TFCP2L1: variants seen among roughly 807,000 people sequenced by gnomAD.
The protein encoded by TFCP2L1 is transcription factor CP2 like 1, also known as transcription factor CP2-like protein 1.
A neutral mutation model predicts 72.2 loss-of-function variants in TFCP2L1; 12 were observed. That is an observed-to-expected ratio of 0.17 (90% CI 0.11 to 0.27). The LOEUF (loss-of-function observed/expected upper bound fraction) is 0.27. Among genes scored for constraint, TFCP2L1 ranks in the 10% least tolerant of loss-of-function variants. The probability of loss-of-function intolerance (pLI) is 1.00; values close to 1 mark genes in which losing one functional copy is unlikely to be tolerated. For missense variants in TFCP2L1, 488 were observed against 624.6 expected, an observed-to-expected ratio of 0.78 and a Z score of 2.33; for synonymous variants, 260 against 251.0, an observed-to-expected ratio of 1.04 and a Z score of -0.34.
chr2:121,278,458 G>A (rs1687191306), intron 2 of TFCP2L1, among the ~76,000 whole-genome samples: 2 of 151,296 alleles, frequency 1.3e-5, no homozygotes, highest in Admixed American at 6.6e-5. Flanking sequence ...GGCTGAGGCA[G>A]GTGGATCACC....
chr2:121,261,052 C>T (rs1349453413), intron 2 of TFCP2L1, among the ~76,000 whole-genome samples: 2 of 152,190 alleles, frequency 1.3e-5, no homozygotes, highest in East Asian at 1.9e-4. Context: ...CCAGCACACA[C>T]GGCTGACCTT....
chr2:121,224,669 T>A (rs1685987306), intron 14 of TFCP2L1, among the ~76,000 whole-genome samples: 1 of 152,198 alleles, frequency 6.6e-6, no homozygotes. Flanking sequence ...AGGGATATTA[T>A]GGCCCCCAAG....
At chr2:121,282,770 AG>A (rs1251047594) in intron 1 of TFCP2L1, among the ~76,000 whole-genome samples, 9 of 152,334 alleles carry the variant, frequency 5.9e-5, no homozygotes, top group Non-Finnish European at 8.8e-5. Context: ...CTGTATAAAC[AG>A]AGTCACTGGT....
In TFCP2L1 at chr2:121,254,242, A is replaced by C. The variant is rs138717375; in HGVS notation, c.215-4595T>G. 3.7e-3 allele frequency among the ~76,000 whole-genome samples: 566 copies of C among 152,330 alleles called. 3 individuals are homozygous for C. The highest frequency in any genetic ancestry group is 0.01 in the African/African-American group (433 of 41,568). The stretch of plus-strand genomic sequence containing the variant: ...CTCTGTTAGAATTACAGGGTTTGCC[A>C]AAGTTAAGACACATTCTTGCCCTCA... On this transcript the variant is annotated intron_variant, in intron 2 of 14. Transcript: ENST00000263707.
intron 2 of TFCP2L1, among the ~76,000 whole-genome samples, chr2:121,257,988 A>G (rs1686761282): frequency 6.6e-6 from 1 of 152,084 alleles, no homozygotes; most frequent in South Asian, 2.1e-4. Flanking sequence ...CACCATGGAC[A>G]ATACTGGTAT....
intron 10 of TFCP2L1, among the ~76,000 whole-genome samples, chr2:121,236,939 G>A (rs1482849890): frequency 6.6e-6 from 1 of 152,216 alleles, no homozygotes; most frequent in Non-Finnish European, 1.5e-5. Context: ...AAGCTCCCAA[G>A]GACAGGGACC....
chr2:121,278,931 G>T (rs1211051936), intron 2 of TFCP2L1, among the ~76,000 whole-genome samples: 1 of 151,976 alleles, frequency 6.6e-6, no homozygotes, highest in African/African-American at 2.4e-5. Context: ...TTGAACCCAG[G>T]AGGCAGAGGT....
chr2:121,243,831 C>T (rs879272402), intron 6 of TFCP2L1, among the ~76,000 whole-genome samples: 1 of 151,846 alleles, frequency 6.6e-6, no homozygotes, highest in African/African-American at 2.4e-5. Context: ...TTATATATTA[C>T]GATATAATAA....
rs747562998 is a variant in TFCP2L1 at position 121,277,325 on chromosome 2, A to C, written c.214+3795T>G. Among the ~76,000 whole-genome samples the C allele has an allele frequency of 1.5e-3, 227 of 152,268 alleles. 2 individuals carry two copies. The highest frequency in any genetic ancestry group is 9.1e-4 in the Non-Finnish European group (62 of 68,024). ...GTCCAGCCTGGGCAACCCAAGCCAG[A>C]CCCCAGCTCAAAAAAGAAAAGAAAT... is the stretch of plus-strand genomic sequence containing the variant. On this transcript the variant is annotated intron_variant, in intron 2 of 14. Transcript: ENST00000263707.
In TFCP2L1 at chr2:121,216,607, T is replaced by C. The variant is rs1381828298; in HGVS notation, c.*7734A>G. 1.2e-4 allele frequency: 19 copies of C among 152,262 alleles called. No individual in the cohort carries two copies. The allele number at this position is 152,262 out of a possible 1,614,324, so 9.4% of individuals were successfully genotyped here. ...AGAGGTTTCTTACAAATGTGAGTTT[T>C]ATTTGCATTCTAACCCAAGCACAGA... On this transcript the variant is annotated 3_prime_UTR_variant, in exon 15 of 15. Coordinates refer to ENST00000263707, the MANE Select transcript of TFCP2L1 (RefSeq NM_014553.3).
chr2:121,249,796 C>T (rs1172868279), intron 2 of TFCP2L1, 149 bp from the exon 3 acceptor site: 1 of 739,212 alleles, frequency 1.4e-6, no homozygotes, highest in Non-Finnish European at 2.2e-6. Context: ...ACGACCAGCT[C>T]AGCTCACTCT....
chr2:121,266,675 G>A (rs1204222186), intron 2 of TFCP2L1, among the ~76,000 whole-genome samples: 1 of 152,078 alleles, frequency 6.6e-6, no homozygotes, highest in African/African-American at 2.4e-5. Flanking sequence ...GCTTTAATCC[G>A]TTCTCAATCG....
chr2:121,258,237 C>A (rs927760554), intron 2 of TFCP2L1, among the ~76,000 whole-genome samples: 2 of 152,194 alleles, frequency 1.3e-5, no homozygotes, highest in Admixed American at 6.5e-5. Flanking sequence ...GGGCCCTCGC[C>A]TCACACATGC....
At chr2:121,234,769 G>A (rs983938910) in intron 11 of TFCP2L1, among the ~76,000 whole-genome samples, 13 of 152,244 alleles carry the variant, frequency 8.5e-5, no homozygotes, top group African/African-American at 1.9e-4. Flanking sequence ...GCTGCAGAAC[G>A]TCTCTGCCAT....
rs61734658 is a variant in TFCP2L1 at position 121,249,631 on chromosome 2, G to A, written c.231C>T (p.Ile77=). ...CCAGCTTCCGATTCTCCAGTAGTCG[G>A]ATTTCATAAGACTGACCTGGATGGG... ...TYLNQGQSYE[I]RLLENRKLGD... The change falls in exon 3 of 15, where the codon ATC becomes ATT. Residue 77 remains isoleucine, a synonymous_variant. Coordinates refer to ENST00000263707, the MANE Select transcript of TFCP2L1 (RefSeq NM_014553.3). The A allele has an allele frequency of 7.7e-4, 1,238 of 1,614,222 alleles. 12 individuals carry two copies. The highest frequency in any genetic ancestry group is 5.8e-3 in the South Asian group (526 of 91,078).
Position 121,281,252 on chromosome 2 carries a change from T to A in TFCP2L1, c.82A>T (p.Ile28Phe). 2 of 1,608,198 alleles carry A rather than the reference T, an allele frequency of 1.2e-6. No individual in the cohort carries two copies. The highest frequency in any genetic ancestry group is 1.7e-6 in the Non-Finnish European group (2 of 1,177,768). ...SYLRDVLALP[I>F]FKQEEPQLSP... ...AGCTGGGGTTCCTCCTGCTTGAAGA[T>A]GGGCAGAGCGAGCACATCACTGCAA... The change falls in exon 2 of 15, where the codon ATC becomes TTC. Residue 28 changes from isoleucine (I) to phenylalanine (F), a missense_variant. Around this residue, in one of 3 missense-constraint regions of TFCP2L1, gnomAD observed 73 missense variants for 59.7 expected, o/e 1.22. Coordinates refer to ENST00000263707, the MANE Select transcript of TFCP2L1 (RefSeq NM_014553.3).
chr2:121,253,439 C>T (rs1686651194), intron 2 of TFCP2L1, among the ~76,000 whole-genome samples: 2 of 152,232 alleles, frequency 1.3e-5, no homozygotes, highest in Non-Finnish European at 2.9e-5. Context: ...GTCCAACACT[C>T]CCTTGATATC....
chr2:121,224,472 A>G (rs1433321848), intron 14 of TFCP2L1, 85 bp from the exon 15 acceptor site: 2 of 1,442,460 alleles, frequency 1.4e-6, no homozygotes, highest in Non-Finnish European at 1.9e-6. Context: ...GCACGCTGTT[A>G]GGGTATCAGC....
At chr2:121,260,534 G>A (rs1406442212) in intron 2 of TFCP2L1, among the ~76,000 whole-genome samples, 1 of 152,176 alleles carries the variant, frequency 6.6e-6, no homozygotes, top group African/African-American at 2.4e-5. Flanking sequence ...ATTCCGTGCT[G>A]CACACAGAAA....
Sources: allele counts gnomAD v4.1 joint callset (sites outside exome capture counted in the v4.1 genomes callset), GRCh38; gene constraint gnomAD v4.1.1; regional missense constraint gnomAD v4.1.1; transcripts MANE v1.5; gene names NCBI Gene and HGNC (gene_info 2026-07-23, HGNC 2026-07-21).